The following OGA variants were observed in gnomAD, a reference collection of about 807,000 sequenced individuals.
The protein encoded by OGA is protein O-GlcNAcase.
A neutral mutation model predicts 102.0 loss-of-function variants in OGA; 21 were observed. That is an observed-to-expected ratio of 0.21 (90% confidence interval 0.15 to 0.30). OGA has a LOEUF of 0.30. Among genes scored for constraint, OGA ranks in the 10% least tolerant of loss-of-function variants. OGA has a pLI of 1.00. For synonymous variants in OGA, 408 were observed against 378.2 expected (o/e 1.08, Z -0.91); for missense variants, 765 against 1,107.8 (o/e 0.69, Z 4.39).
Position 101,818,136 on chromosome 10 carries a change from T to TCCTTCCCCTCCCCCTCTGC in OGA, c.-133_-115dup. 1 of 1,391,036 alleles carries TCCTTCCCCTCCCCCTCTGC rather than the reference T, an allele frequency of 7.2e-7. No homozygotes were observed. The highest frequency in any genetic ancestry group is 2.9e-5 in the East Asian group (1 of 34,358). The allele number at this position is 1,391,036 out of a possible 1,614,324, so 86.2% of individuals were successfully genotyped here. ...AGCTCCAAGTGTGCGCCCCTCCGGCTCCTTCCCCTCCCCCTCTGCCCTTCC... is the reference window on the plus strand; with the variant it reads ...AGCTCCAAGTGTGCGCCCCTCCGGCTCCTTCCCCTCCCCCTCTGCCCTTCCCCTCCCCCTCTGCCCTTCC... On this transcript the variant is annotated 5_prime_UTR_variant, in exon 1 of 16. Coordinates refer to ENST00000361464, the MANE Select transcript of OGA (RefSeq NM_012215.5).
chr10:101,815,373 C>CTCCCGGGT (rs1456243628), intron 1 of OGA, among the ~76,000 whole-genome samples: 6 of 152,188 alleles, frequency 3.9e-5, no homozygotes, highest in Admixed American at 3.3e-4. Context: ...ACGCCTCCAA[C>CTCCCGGGT]TCCCGGGTTC....
Position 101,799,181 on chromosome 10 carries a change from C to T in OGA, c.1470G>A (p.Ala490=), listed in dbSNP as rs748053835. 6 of 1,614,226 alleles carry T rather than the reference C, an allele frequency of 3.7e-6. No homozygotes were observed. The highest frequency in any genetic ancestry group is 1.7e-5 in the Admixed American group (1 of 60,022). Residue 490 remains alanine (A), a synonymous_variant, in exon 9 of 16, where the codon GCG becomes GCA. Transcript: ENST00000361464. ...TTGGTTTCAATTCCTCTGCCATTTT[C>T]GCTTCAACAATTTCACTCAGTATTT... ...DNQILSEIVE[A]KMAEELKPMD...
chr10:101,788,603 T>TG (rs1016161758), intron 14 of OGA, among the ~76,000 whole-genome samples: 2 of 149,634 alleles, frequency 1.3e-5, no homozygotes, highest in African/African-American at 4.9e-5. Context: ...GGCCTAGTGG[T>TG]GGGCGCCTGT....
rs976862193 is a variant in OGA, at chr10:101,805,655, C to CAAA, written c.751+387_751+389dup. Among the ~76,000 whole-genome samples, 10 of 80,738 alleles carry CAAA rather than the reference C, an allele frequency of 1.2e-4. 1 individual carries two copies. In the South Asian group the frequency reaches 2.9e-3, roughly 23 times the overall value. The allele number at this position is 80,738 out of a possible 152,430, so 53.0% of individuals were successfully genotyped here. ...GGGCAACAAGAGCAATGCTCTGTCT[C>CAAA]AAAAAAAAAAAAAAAAAAGGCCAGG... On this transcript the variant is annotated intron_variant, in intron 6 of 15. Transcript: ENST00000361464.
chr10:101,799,323 G>C lies in OGA; in HGVS notation c.1328C>G (p.Ala443Gly), dbSNP rs2065359682. Residue 443 changes from alanine to glycine, a missense_variant, in exon 9 of 16, where the codon GCC (alanine) becomes GGC (glycine). By Grantham distance (60) the Ala-to-Gly change is moderately conservative. Around this residue, in one of 7 missense-constraint regions of OGA, gnomAD observed 281 missense variants for 345.8 expected, o/e 0.81. Coordinates refer to ENST00000361464, the MANE Select transcript of OGA (RefSeq NM_012215.5). ...CAGAGTAGTAGGCTCACCACTCAAG[G>C]CTGCTCCCTGGCTCATAATGGGCTC... ...YQEPIMSQGA[A>G]LSGEPTTLTK... 1.2e-6 allele frequency: 2 copies of C among 1,613,996 alleles called. No individual in the cohort carries two copies. Among genetic ancestry groups the C allele is most frequent in the African/African-American group, 2.7e-5 (2 of 74,876 alleles).
intron 10 of OGA, among the ~76,000 whole-genome samples, chr10:101,796,610 G>A (rs761658118): frequency 4.7e-5 from 7 of 149,424 alleles, no homozygotes; most frequent in African/African-American, 1.7e-4. Context: ...TCCCTCTATC[G>A]CCCAGGCTGG....
At chr10:101,807,598 T>A (rs1227528150) in intron 5 of OGA, 132 bp downstream of exon 5, 3 of 615,172 alleles carry the variant, frequency 4.9e-6, no homozygotes, top group Admixed American at 7.4e-5. Context: ...TTGAAAAATG[T>A]CTTCTAAAAA....
At chr10:101,787,623 T>C (rs1029329895) in intron 14 of OGA, 100 bp from the exon 15 acceptor site, 19 of 910,492 alleles carry the variant, frequency 2.1e-5, no homozygotes, top group Non-Finnish European at 2.9e-5. Context: ...TTAATAACTC[T>C]TCCAGTCACT....
intron 7 of OGA, among the ~76,000 whole-genome samples, chr10:101,802,561 C>T (rs1057108802): frequency 6.6e-6 from 1 of 150,974 alleles, no homozygotes; most frequent in African/African-American, 2.4e-5. Context: ...CCCAGCTACT[C>T]GGGAGGCTGA....
At chr10:101,810,665 A>C (rs538584807) in intron 3 of OGA, among the ~76,000 whole-genome samples, 1 of 152,344 alleles carries the variant, frequency 6.6e-6, no homozygotes, top group Non-Finnish European at 1.5e-5. Context: ...TCTCAAAAAC[A>C]CTGAATTGTC....
rs966694386 is a variant in OGA, at chr10:101,786,274, C to T, written c.*177G>A. ...ACAGGATTTGCTGCAATACTATATTCTTCCAACCAGTGAGTAGTCTCAAAG... is the reference window on the plus strand; with the variant it reads ...ACAGGATTTGCTGCAATACTATATTTTTCCAACCAGTGAGTAGTCTCAAAG... On this transcript the variant is annotated 3_prime_UTR_variant, in exon 16 of 16. Coordinates refer to ENST00000361464, the MANE Select transcript of OGA (RefSeq NM_012215.5). The T allele has an allele frequency of 1.8e-6, 1 of 557,312 alleles. No individual in the cohort carries two copies. Among genetic ancestry groups the T allele is most frequent in the African/African-American group, 2.0e-5 (1 of 51,248 alleles). 34.5% of individuals were successfully genotyped at this position (557,312 alleles called of 1,614,324 possible). A position where few individuals can be genotyped will look rare whatever the true frequency, so the allele number is the denominator to read the frequency against.
At chr10:101,800,903 T>C (rs1348670393) in intron 7 of OGA, among the ~76,000 whole-genome samples, 2 of 151,584 alleles carry the variant, frequency 1.3e-5, no homozygotes, top group Admixed American at 6.6e-5. Flanking sequence ...GCCTCCCCAG[T>C]AGCTGGGACT....
rs900260826 is a variant in OGA at position 101,818,291 on chromosome 10, C to T, written c.-269G>A. ...GCCTAAGCGGAGAGCGAGGCTGTGA[C>T]CTCTCGTTCCCTGGAAGAAGACGGC... On this transcript the variant is annotated 5_prime_UTR_variant, in exon 1 of 16. Transcript: ENST00000361464. 1 of 1,242,602 alleles carries T rather than the reference C, an allele frequency of 8.0e-7. No individual in the cohort carries two copies. The highest frequency in any genetic ancestry group is 1.0e-6 in the Non-Finnish European group (1 of 989,226). 77.0% of individuals were successfully genotyped at this position (1,242,602 alleles called of 1,614,324 possible).
At chr10:101,813,270 G>A in intron 2 of OGA, 143 bp from the exon 3 acceptor site, 3 of 634,474 alleles carry the variant, frequency 4.7e-6, no homozygotes, top group Non-Finnish European at 5.4e-6. Flanking sequence ...TGTAATCAGT[G>A]GAATTTAAAA....
chr10:101,795,413 G>A (rs933531116), intron 10 of OGA, among the ~76,000 whole-genome samples: 1 of 152,202 alleles, frequency 6.6e-6, no homozygotes, highest in Non-Finnish European at 1.5e-5. Flanking sequence ...AATTAATCAT[G>A]ACGCGCTGTG....
intron 1 of OGA, among the ~76,000 whole-genome samples, chr10:101,814,688 C>G (rs527966247): frequency 1.3e-5 from 2 of 152,326 alleles, no homozygotes; most frequent in South Asian, 2.1e-4. Flanking sequence ...GCCCAAACAA[C>G]AAACTCTCAC....
rs17697840 is a variant in OGA, at chr10:101,798,944, G to A, written c.1707C>T (p.Tyr569=). The change falls in exon 9 of 16, where the codon TAC becomes TAT. Residue 569 remains tyrosine (Y), a synonymous_variant. Transcript: ENST00000361464. ...TCTGTGCTCCTTTGGGTCCATGCTCGTAAGGAAGGTAGAATAGATCAGCAA... is the reference window on the plus strand; with the variant it reads ...TCTGTGCTCCTTTGGGTCCATGCTCATAAGGAAGGTAGAATAGATCAGCAA... ...QLLADLFYLP[Y]EHGPKGAQML... 85,868 of 1,614,000 alleles carry A rather than the reference G, an allele frequency of 0.053. 2,614 individuals carry two copies. Among genetic ancestry groups the A allele is most frequent in the Middle Eastern group, 0.085 (513 of 6,062 alleles).
At chr10:101,815,896 G>T (rs569943607) in intron 1 of OGA, among the ~76,000 whole-genome samples, 1 of 134,596 alleles carries the variant, frequency 7.4e-6, no homozygotes, top group East Asian at 2.3e-4. Flanking sequence ...AATCCTAGCA[G>T]TAACTATAGT....
chr10:101,809,705 CAAAA>C (rs373690932), intron 4 of OGA, among the ~76,000 whole-genome samples: 1 of 59,080 alleles, frequency 1.7e-5, no homozygotes, highest in Admixed American at 1.9e-4. Flanking sequence ...GACTCTGTCT[CAAAA>C]AAAAAAAAAA....
Sources: allele counts gnomAD v4.1 joint callset (sites outside exome capture counted in the v4.1 genomes callset), GRCh38; gene constraint gnomAD v4.1.1; regional missense constraint gnomAD v4.1.1; transcripts MANE v1.5; gene names NCBI Gene and HGNC (gene_info 2026-07-23, HGNC 2026-07-21).